The following FCHO1 variants were observed in gnomAD, a reference collection of about 807,000 sequenced individuals.
The protein encoded by FCHO1 is F-BAR domain only protein 1.
A neutral mutation model predicts 114.4 loss-of-function variants in FCHO1; 45 were observed. The observed-to-expected ratio is 0.39, with a 90% confidence interval of 0.31 to 0.50. The LOEUF is 0.50. FCHO1 is among the 20% of genes least tolerant of loss of function. FCHO1 has a pLI of 0.77. For missense variants in FCHO1, 1,042 were observed against 1,209.6 expected (o/e 0.86, Z 2.06); for synonymous variants, 480 against 488.9 (o/e 0.98, Z 0.24).
At chr19:17,786,507 G>T in intron 26 of FCHO1, 67 bp from the exon 27 acceptor site, 1 of 1,545,020 alleles carries the variant, frequency 6.5e-7, no homozygotes. Flanking sequence ...GGAGGCAGCT[G>T]AGGCAGGACC....
rs1482929716 is a variant in FCHO1 at position 17,778,654 on chromosome 19, C to G, written c.1397C>G (p.Ser466Cys). The change falls in exon 20 of 29, where the codon TCC (serine) becomes TGC (cysteine). Residue 466 changes from serine to cysteine, a missense_variant. Coordinates refer to ENST00000596536, the MANE Select transcript of FCHO1 (RefSeq NM_015122.3). ...ACCTCCAGCCCCTCCCCTTTCTCCT[C>G]CTCGTCGCCCGAAAACGTGGAGGAT... is the stretch of plus-strand genomic sequence containing the variant. ...GFTSSPSPFS[S>C]SSPENVEDSG... The G allele has an allele frequency of 6.3e-7, 1 of 1,576,342 alleles. No individual in the cohort carries two copies. The highest frequency in any genetic ancestry group is 1.4e-5 in the African/African-American group (1 of 73,948).
Position 17,788,542 on chromosome 19 carries a change from A to C in FCHO1, c.*236A>C. ...TTGAATAAACACTTTATTTTCTAAT[A>C]AAATAAAAAAGGAAACCTTTTCCTG... is the stretch of plus-strand genomic sequence containing the variant. On this transcript the variant is annotated 3_prime_UTR_variant, in exon 29 of 29. Coordinates refer to ENST00000596536, the MANE Select transcript of FCHO1 (RefSeq NM_015122.3). The C allele has an allele frequency of 3.8e-6, 2 of 524,302 alleles. No homozygotes were observed. The highest frequency in any genetic ancestry group is 5.8e-5 in the South Asian group (2 of 34,504). The allele number at this position is 524,302 out of a possible 1,614,324, so 32.5% of individuals were successfully genotyped here.
chr19:17,750,093 GT>G (rs1357455185), upstream of FCHO1, among the ~76,000 whole-genome samples: 1 of 152,176 alleles, frequency 6.6e-6, no homozygotes, highest in African/African-American at 2.4e-5. Context: ...TGTTTTATCT[GT>G]TCTGGGGCTG....
In FCHO1 at chr19:17,788,487, C is replaced by T; in HGVS notation, c.*181C>T. 2 of 580,892 alleles carry T rather than the reference C, an allele frequency of 3.4e-6. No individual in the cohort carries two copies. Among genetic ancestry groups the T allele is most frequent in the East Asian group, 6.1e-5 (2 of 32,708 alleles). 36.0% of individuals were successfully genotyped at this position (580,892 alleles called of 1,614,324 possible). A position where few individuals can be genotyped will look rare whatever the true frequency, so the allele number is the denominator to read the frequency against. ...ATTCGCTCCTCCCCCTCATGCCAAC[C>T]CCACACAGGTCCCGGCCTTTTAATG... On this transcript the variant is annotated 3_prime_UTR_variant, in exon 29 of 29. Coordinates refer to ENST00000596536, the MANE Select transcript of FCHO1 (RefSeq NM_015122.3).
chr19:17,777,438 A>G (rs2092771475), intron 18 of FCHO1, among the ~76,000 whole-genome samples: 1 of 142,918 alleles, frequency 7.0e-6, no homozygotes, highest in Admixed American at 7.5e-5. Flanking sequence ...CGAGAGGGTG[A>G]GGCAGGAGAA....
chr19:17,778,770 T>G lies in FCHO1; in HGVS notation c.1513T>G (p.Cys505Gly). 1 of 1,538,804 alleles carries G rather than the reference T, an allele frequency of 6.5e-7. No homozygotes were observed. The highest frequency in any genetic ancestry group is 8.7e-7 in the Non-Finnish European group (1 of 1,147,734). The change falls in exon 20 of 29, where the codon TGT (cysteine) becomes GGT (glycine). Residue 505 changes from cysteine (C) to glycine (G), a missense_variant. Around this residue, in one of 3 missense-constraint regions of FCHO1, gnomAD observed 455 missense variants for 455.4 expected, o/e 1.00. Transcript: ENST00000596536. Reference sequence around the variant, plus strand: ...AGGCACCCCGCAGAGCCCGCCCAGCTGTAGGGCGCCACCCCCAGAGGCCAG... The same window carrying G: ...AGGCACCCCGCAGAGCCCGCCCAGCGGTAGGGCGCCACCCCCAGAGGCCAG... ...RPGTPQSPPS[C>G]RAPPPEARGI... is the part of the protein sequence containing the mutation.
chr19:17,778,589 C>A lies in FCHO1; in HGVS notation c.1352-20C>A. On this transcript the variant is annotated intron_variant, in intron 19 of 28. Coordinates refer to ENST00000596536, the MANE Select transcript of FCHO1 (RefSeq NM_015122.3). ...TGAGTGGGCGAGGGTCGGAGCTGACCGCCCGCTTCCCTCCCCAAGGCTCTA... is the reference window on the plus strand; with the variant it reads ...TGAGTGGGCGAGGGTCGGAGCTGACAGCCCGCTTCCCTCCCCAAGGCTCTA... 3.3e-6 allele frequency: 5 copies of A among 1,517,728 alleles called. No homozygotes were observed. Among genetic ancestry groups the A allele is most frequent in the Non-Finnish European group, 4.4e-6 (5 of 1,129,512 alleles). The allele number at this position is 1,517,728 out of a possible 1,614,324, so 94.0% of individuals were successfully genotyped here.
chr19:17,784,801 T>C lies in FCHO1; in HGVS notation c.2303T>C (p.Val768Ala), dbSNP rs201872695. The C allele has an allele frequency of 4.9e-4, 783 of 1,614,084 alleles. 1 individual carries two copies. The highest frequency in any genetic ancestry group is 2.1e-3 in the Middle Eastern group (13 of 6,062). The change falls in exon 26 of 29, where the codon GTC becomes GCC. Residue 768 changes from valine (V) to alanine (A), a missense_variant. Physicochemically the swap from Val to Ala is moderately conservative, Grantham distance 64. Transcript: ENST00000596536. The surrounding 1 kb of genome is among the most constrained non-coding windows in gnomAD (Gnocchi z 5.3). The part of the protein sequence containing the change: ...HWQCGATLTQ[V>A]SVEYGYRPGA... The stretch of plus-strand genomic sequence containing the variant: ...CAGTGTGGAGCCACCCTCACCCAGG[T>C]CTCAGTGGAGTACGGCTACCGGCCC...
At position 17,760,703 on chromosome 19, in the gene FCHO1, G is replaced by A. The variant is rs1408727196; in HGVS notation, c.28-2059G>A. 5.3e-5 allele frequency among the ~76,000 whole-genome samples: 8 copies of A among 152,278 alleles called. No individual in the cohort carries two copies. The South Asian group carries it at 1.0e-3, about 20-fold the overall frequency. On this transcript the variant is annotated intron_variant, in intron 4 of 28. Coordinates refer to ENST00000596536, the MANE Select transcript of FCHO1 (RefSeq NM_015122.3). ...AGGCAGATGTCTCCCAGGCTGTAGTGTAGTGACATGATTTTGGCTCATTGT... is the reference window on the plus strand; with the variant it reads ...AGGCAGATGTCTCCCAGGCTGTAGTATAGTGACATGATTTTGGCTCATTGT...
chr19:17,761,401 CTTT>C (rs11452853), intron 4 of FCHO1, among the ~76,000 whole-genome samples: 1 of 145,732 alleles, frequency 6.9e-6, no homozygotes. Context: ...ATTTAACACA[CTTT>C]TTTTTTTTTG....
chr19:17,783,200 C>T (rs1200115260), intron 24 of FCHO1, 28 bp downstream of exon 24: 7 of 1,603,432 alleles, frequency 4.4e-6, no homozygotes, highest in Non-Finnish European at 5.1e-6. Flanking sequence ...TGGGAGAGGG[C>T]CTCGGAGGCT....
At chr19:17,748,165 C>A (rs946448926), upstream of FCHO1, among the ~76,000 whole-genome samples, 1 of 152,216 alleles carries the variant, frequency 6.6e-6, no homozygotes, top group African/African-American at 2.4e-5. Context: ...CCCCTTCCAG[C>A]CTGGAACCCT....
rs1478332135 is a variant in FCHO1 at position 17,776,372 on chromosome 19, G to A, written c.1207+101G>A. On this transcript the variant is annotated intron_variant, in intron 17 of 28. Coordinates refer to ENST00000596536, the MANE Select transcript of FCHO1 (RefSeq NM_015122.3). The surrounding 1 kb of genome is among the most constrained non-coding windows in gnomAD (Gnocchi z 4.4). Reference sequence around the variant, plus strand: ...TCCGTTTTGTAACTTTGGGCAGGCTGCTTAACCACACTGACCTTCAGTCTC... The same window carrying A: ...TCCGTTTTGTAACTTTGGGCAGGCTACTTAACCACACTGACCTTCAGTCTC... The A allele has an allele frequency of 6.2e-6, 9 of 1,445,568 alleles. No individual in the cohort carries two copies. In the Admixed American group the frequency reaches 1.0e-4, roughly 16 times the overall value. The allele number at this position is 1,445,568 out of a possible 1,614,324, so 89.5% of individuals were successfully genotyped here.
chr19:17,770,906 A>G lies in FCHO1; in HGVS notation c.594+10A>G, dbSNP rs1295347586. ...GCTGGACTCAGCCCTGGTAAGAACC[A>G]GGCATCTGTACCTTTAAGACCCACA... On this transcript the variant is annotated intron_variant, in intron 9 of 28. Coordinates refer to ENST00000596536, the MANE Select transcript of FCHO1 (RefSeq NM_015122.3). 14 of 1,611,220 alleles carry G rather than the reference A, an allele frequency of 8.7e-6. No homozygotes were observed. Among genetic ancestry groups the G allele is most frequent in the Non-Finnish European group, 1.2e-5 (14 of 1,177,732 alleles).
intron 1 of FCHO1, among the ~76,000 whole-genome samples, chr19:17,752,986 A>G (rs954566359): frequency 6.6e-6 from 1 of 152,120 alleles, no homozygotes; most frequent in Non-Finnish European, 1.5e-5. Flanking sequence ...GGAGGCTACT[A>G]TTCAAGGCTC....
At chr19:17,779,074 G>T (rs2093034415) in intron 20 of FCHO1, among the ~76,000 whole-genome samples, 190 bp downstream of exon 20, 1 of 152,204 alleles carries the variant, frequency 6.6e-6, no homozygotes, top group Admixed American at 6.5e-5. Flanking sequence ...TGCCAGGTGG[G>T]GGCCCTCCCT....
chr19:17,774,622 A>AC (rs2092356703), intron 13 of FCHO1, 144 bp downstream of exon 13: 1 of 644,506 alleles, frequency 1.6e-6, no homozygotes, highest in Admixed American at 2.8e-5. Context: ...CCTGAGCTAG[A>AC]CCAGGAGTAC....
At chr19:17,787,931 G>T in intron 28 of FCHO1, 85 bp downstream of exon 28, 2 of 1,469,858 alleles carry the variant, frequency 1.4e-6, no homozygotes, top group Non-Finnish European at 1.8e-6. Flanking sequence ...GGATTGGGGT[G>T]TGGGGATCCT....
intron 26 of FCHO1, among the ~76,000 whole-genome samples, chr19:17,785,453 C>T (rs1189298261): frequency 2.0e-5 from 3 of 152,058 alleles, no homozygotes; most frequent in Non-Finnish European, 4.4e-5. Flanking sequence ...GAACTGCTGA[C>T]CTCAGGTGAT....
Sources: gnomAD v4.1 joint callset for allele counts (sites outside exome capture counted in the v4.1 genomes callset) on GRCh38, gnomAD v4.1.1 for gene constraint, gnomAD v4.1.1 regional missense constraint, Gnocchi (gnomAD v3.1) non-coding constraint, MANE v1.5 for transcripts, NCBI Gene and HGNC (gene_info 2026-07-23, HGNC 2026-07-21) for gene names.